Variants in MAP3K7 observed in about 807,000 individuals in gnomAD.
The protein encoded by MAP3K7 is TGF-beta activated kinase 1.
Under a neutral mutation model 84.8 loss-of-function variants are expected in MAP3K7, and 21 were observed. The ratio of observed to expected loss-of-function variants is 0.25; its 90% CI spans 0.18 to 0.36. MAP3K7 has a LOEUF of 0.36. Among genes scored for constraint, MAP3K7 ranks in the 10% least tolerant of loss-of-function variants. The pLI is 1.00. For synonymous variants in MAP3K7, 241 were observed against 247.7 expected (o/e 0.97, Z 0.25); for missense variants, 503 against 747.7 (o/e 0.67, Z 3.82).
intron 11 of MAP3K7, among the ~76,000 whole-genome samples, chr6:90,546,824 T>G (rs1445200456): frequency 6.6e-6 from 1 of 152,170 alleles, no homozygotes; most frequent in East Asian, 1.9e-4. Context: ...AGATAGAAGG[T>G]CAAATCATAC....
intron 14 of MAP3K7, among the ~76,000 whole-genome samples, chr6:90,520,798 T>G (rs957062738): frequency 4.3e-4 from 66 of 152,034 alleles, no homozygotes; most frequent in African/African-American, 1.6e-3. Context: ...ACCCCAACAG[T>G]GGTTTCAAAC....
intron 13 of MAP3K7, among the ~76,000 whole-genome samples, chr6:90,525,705 C>A (rs1775299704): frequency 6.6e-6 from 1 of 151,928 alleles, no homozygotes; most frequent in African/African-American, 2.4e-5. Context: ...GTAACTGGGA[C>A]TACAGGCACA....
intron 3 of MAP3K7, 118 bp from the exon 4 acceptor site, chr6:90,561,785 C>A: frequency 4.0e-6 from 3 of 757,800 alleles, no homozygotes; most frequent in Admixed American, 2.1e-5. Flanking sequence ...ATTCTTTTGG[C>A]CCCTACTATG....
At chr6:90,564,926 C>G (rs569611078) in intron 3 of MAP3K7, among the ~76,000 whole-genome samples, 1 of 152,286 alleles carries the variant, frequency 6.6e-6, no homozygotes, top group East Asian at 1.9e-4. Context: ...CACTCAAAAC[C>G]ACTCAACTAC....
At chr6:90,547,216 TTA>T in intron 11 of MAP3K7, 40 bp downstream of exon 11, 2 of 1,609,164 alleles carry the variant, frequency 1.2e-6, no homozygotes, top group Non-Finnish European at 1.7e-6. Flanking sequence ...CCAAAAAGGC[TTA>T]TATACATTTT....
At chr6:90,550,365 A>C in intron 9 of MAP3K7, 103 bp downstream of exon 9, 1 of 713,218 alleles carries the variant, frequency 1.4e-6, no homozygotes, top group African/African-American at 1.8e-5. Context: ...TGAAGGAATT[A>C]AAATGCAAAT....
At chr6:90,581,859 T>C (rs1194705286) in intron 1 of MAP3K7, among the ~76,000 whole-genome samples, 1 of 152,256 alleles carries the variant, frequency 6.6e-6, no homozygotes, top group Non-Finnish European at 1.5e-5. Flanking sequence ...ATTCCCCATA[T>C]ATTTATAACT....
At chr6:90,577,591 A>G (rs1296915653) in intron 1 of MAP3K7, among the ~76,000 whole-genome samples, 1 of 152,214 alleles carries the variant, frequency 6.6e-6, no homozygotes, top group Non-Finnish European at 1.5e-5. Context: ...AGGAAGGAAC[A>G]GTCAATATGG....
chr6:90,585,742 T>C lies in MAP3K7; in HGVS notation c.120+1022A>G, dbSNP rs75289525. ...CTGCAGAATAAAGAAAGGATATGGG[T>C]TTTCTGATAGCGATTTCTAGTCTAA... On this transcript the variant is annotated intron_variant, in intron 1 of 16. Coordinates refer to ENST00000369329, the MANE Select transcript of MAP3K7 (RefSeq NM_145331.3). 4.7e-3 allele frequency among the ~76,000 whole-genome samples: 711 copies of C among 152,278 alleles called. 7 individuals carry two copies. Among genetic ancestry groups the C allele is most frequent in the African/African-American group, 0.016 (671 of 41,528 alleles).
rs532933996 is a variant in MAP3K7, at chr6:90,576,258, C to T, written c.121-4451G>A. On this transcript the variant is annotated intron_variant, in intron 1 of 16. Coordinates refer to ENST00000369329, the MANE Select transcript of MAP3K7 (RefSeq NM_145331.3). ...CTAACACGGTGAAACCCCATCTCTA[C>T]TAAAAATACAAAAAATTAACGGGGC... 3.9e-5 allele frequency among the ~76,000 whole-genome samples: 6 copies of T among 152,068 alleles called. No homozygotes were observed. The South Asian group carries it at 1.2e-3, about 32-fold the overall frequency.
At chr6:90,521,245 GAA>G (rs1775139030) in intron 14 of MAP3K7, among the ~76,000 whole-genome samples, 1 of 137,112 alleles carries the variant, frequency 7.3e-6, no homozygotes, top group East Asian at 2.1e-4. Flanking sequence ...ATTATTTAAT[GAA>G]AGTTTTTTGC....
At chr6:90,537,443 C>A (rs756502971) in intron 12 of MAP3K7, among the ~76,000 whole-genome samples, 1 of 151,916 alleles carries the variant, frequency 6.6e-6, no homozygotes, top group Non-Finnish European at 1.5e-5. Context: ...TAATTTAGCA[C>A]CTTAACCCAC....
chr6:90,573,323 C>T (rs1776966952), intron 1 of MAP3K7, among the ~76,000 whole-genome samples: 1 of 152,034 alleles, frequency 6.6e-6, no homozygotes, highest in South Asian at 2.1e-4. Flanking sequence ...ATTCCTGGCA[C>T]AAAACTCTTC....
intron 1 of MAP3K7, among the ~76,000 whole-genome samples, chr6:90,585,380 T>C (rs1309588582): frequency 6.6e-6 from 1 of 152,230 alleles, no homozygotes; most frequent in African/African-American, 2.4e-5. Flanking sequence ...AAAAATTTAT[T>C]TGTTGAACGT....
chr6:90,520,162 C>G (rs1164884134), intron 14 of MAP3K7, among the ~76,000 whole-genome samples: 1 of 151,960 alleles, frequency 6.6e-6, no homozygotes, highest in Non-Finnish European at 1.5e-5. Context: ...TTTTCTACTT[C>G]AGAAGTAGTT....
At chr6:90,539,597 C>T (rs973079639) in intron 12 of MAP3K7, among the ~76,000 whole-genome samples, 1 of 151,816 alleles carries the variant, frequency 6.6e-6, no homozygotes, top group African/African-American at 2.4e-5. Context: ...AACTTACATG[C>T]TTCCAGTTAA....
At chr6:90,554,009 CTT>C (rs927645044) in intron 6 of MAP3K7, among the ~76,000 whole-genome samples, 5 of 152,162 alleles carry the variant, frequency 3.3e-5, no homozygotes, top group African/African-American at 4.8e-5. Flanking sequence ...GCCTCAAACT[CTT>C]GGGCTCAAGT....
At chr6:90,567,391 A>C (rs1214198589) in intron 3 of MAP3K7, among the ~76,000 whole-genome samples, 1 of 152,234 alleles carries the variant, frequency 6.6e-6, no homozygotes, top group Non-Finnish European at 1.5e-5. Context: ...ACCCCATCAA[A>C]AAGTGGGCAA....
intron 3 of MAP3K7, 70 bp from the exon 4 acceptor site, chr6:90,561,737 T>A: frequency 9.9e-7 from 1 of 1,010,740 alleles, no homozygotes; most frequent in Non-Finnish European, 1.6e-6. Flanking sequence ...AGAGAGAATT[T>A]AATTCACTCC....
Sources: gnomAD v4.1 joint callset for allele counts (sites outside exome capture counted in the v4.1 genomes callset) on GRCh38, gnomAD v4.1.1 for gene constraint, MANE v1.5 for transcripts, NCBI Gene and HGNC (gene_info 2026-07-23, HGNC 2026-07-21) for gene names.